The following MAP3K5 variants were observed in gnomAD, a reference collection of about 807,000 sequenced individuals.
MAP3K5 encodes the protein ASK-1.
Under a neutral mutation model 158.7 loss-of-function variants are expected in MAP3K5, and 56 were observed. The observed-to-expected ratio is 0.35, with a 90% CI of 0.28 to 0.44. The LOEUF is 0.44. MAP3K5 is among the 20% of genes least tolerant of loss of function. The pLI, the probability that MAP3K5 is intolerant of heterozygous loss-of-function variation, is 1.00. For synonymous variants in MAP3K5, 579 were observed against 601.7 expected (o/e 0.96, Z 0.55); for missense variants, 1,294 against 1,674.8 (o/e 0.77, Z 3.97).
chr6:136,718,393 G>A (rs995878346), intron 2 of MAP3K5, among the ~76,000 whole-genome samples: 6 of 152,062 alleles, frequency 3.9e-5, no homozygotes, highest in Non-Finnish European at 8.8e-5. Flanking sequence ...GTAGAGACAA[G>A]GTTTCACCAC....
intron 1 of MAP3K5, among the ~76,000 whole-genome samples, chr6:136,745,837 T>C (rs767713598): frequency 6.6e-6 from 1 of 152,218 alleles, no homozygotes; most frequent in Non-Finnish European, 1.5e-5. Context: ...AAATTTAATC[T>C]AGATAATTCC....
intron 7 of MAP3K5, among the ~76,000 whole-genome samples, chr6:136,692,231 T>C (rs1780419352): frequency 6.6e-6 from 1 of 152,170 alleles, no homozygotes; most frequent in Non-Finnish European, 1.5e-5. Context: ...TATGGTGTAT[T>C]AGACATTTTG....
At chr6:136,560,472 G>C (rs927666323) in intron 28 of MAP3K5, among the ~76,000 whole-genome samples, 6 of 152,018 alleles carry the variant, frequency 3.9e-5, no homozygotes, top group Admixed American at 1.3e-4. Context: ...GAGTGAGATT[G>C]TGTCTCAAAA....
intron 19 of MAP3K5, among the ~76,000 whole-genome samples, chr6:136,602,342 C>T (rs1775914511): frequency 6.6e-6 from 1 of 151,964 alleles, no homozygotes; most frequent in African/African-American, 2.4e-5. Context: ...ACTCTGTCAC[C>T]CAGGCTGGAG....
intron 7 of MAP3K5, 24 bp downstream of exon 7, chr6:136,694,116 C>G: frequency 6.4e-7 from 1 of 1,568,106 alleles, no homozygotes; most frequent in Non-Finnish European, 8.7e-7. Context: ...AAGTAAGTAG[C>G]TCATTTATAT....
At chr6:136,757,609 C>T (rs1343342912) in intron 1 of MAP3K5, among the ~76,000 whole-genome samples, 3 of 118,932 alleles carry the variant, frequency 2.5e-5, no homozygotes, top group East Asian at 2.6e-4. Flanking sequence ...TTTTTTGAGA[C>T]GGAGTTTCGC....
chr6:136,653,321 T>C (rs1778602160), intron 10 of MAP3K5, among the ~76,000 whole-genome samples: 1 of 152,226 alleles, frequency 6.6e-6, no homozygotes, highest in Non-Finnish European at 1.5e-5. Flanking sequence ...AGTTAATTCT[T>C]GGAGAAATGA....
At chr6:136,587,934 G>A (rs143591894) in intron 23 of MAP3K5, among the ~76,000 whole-genome samples, 4 of 152,350 alleles carry the variant, frequency 2.6e-5, no homozygotes, top group Non-Finnish European at 5.9e-5. Flanking sequence ...AGTCATAGAA[G>A]TGATGACCAA....
At chr6:136,580,520 T>C in intron 24 of MAP3K5, 114 bp from the exon 25 acceptor site, 1 of 591,338 alleles carries the variant, frequency 1.7e-6, no homozygotes, top group Non-Finnish European at 3.1e-6. Context: ...TTCTTCAACT[T>C]GAATTCTTTG....
At chr6:136,647,003 C>T (rs902916006) in intron 11 of MAP3K5, among the ~76,000 whole-genome samples, 2 of 152,208 alleles carry the variant, frequency 1.3e-5, no homozygotes, top group African/African-American at 4.8e-5. Context: ...ACTTGAGTCA[C>T]CTTACACTTA....
In MAP3K5 at chr6:136,672,679, T is replaced by C. The variant is rs537178497; in HGVS notation, c.1254-3284A>G. Among the ~76,000 whole-genome samples, 8 of 151,980 alleles carry C rather than the reference T, an allele frequency of 5.3e-5. 1 individual carries two copies. In the South Asian group the frequency reaches 1.7e-3, roughly 32 times the overall value. ...TAGGGAAAGAAGTCTACAACAACCA[T>C]AGGAAAAAAGTCTTCCCTTTAAGAA... On this transcript the variant is annotated intron_variant, in intron 7 of 29. Transcript: ENST00000359015.
At chr6:136,676,488 T>C (rs146837080) in intron 7 of MAP3K5, among the ~76,000 whole-genome samples, 119 of 152,328 alleles carry the variant, frequency 7.8e-4, no homozygotes, top group Non-Finnish European at 1.3e-3. Flanking sequence ...TTACTGGAGT[T>C]CACGACTTCA....
rs181463544 is a variant in MAP3K5 at position 136,589,684 on chromosome 6, G to T, written c.3225+2489C>A. On this transcript the variant is annotated intron_variant, in intron 23 of 29. Transcript: ENST00000359015. ...TAATCCAATTGAACTGATGTTTCTG[G>T]TGTCCGTATCAGAAGAGGAAGAGAC... 6.6e-5 allele frequency among the ~76,000 whole-genome samples: 10 copies of T among 152,216 alleles called. 1 individual carries two copies. The East Asian group carries it at 1.9e-3, about 29-fold the overall frequency.
chr6:136,557,940 C>A (rs1562503426), intron 29 of MAP3K5, 122 bp from the exon 30 acceptor site: 1 of 725,524 alleles, frequency 1.4e-6, no homozygotes, highest in South Asian at 1.5e-5. Flanking sequence ...AAAGTCTGAT[C>A]AGTTATTATG....
chr6:136,781,219 GAAA>G (rs1784600660), intron 1 of MAP3K5, among the ~76,000 whole-genome samples: 1 of 152,146 alleles, frequency 6.6e-6, no homozygotes, highest in Non-Finnish European at 1.5e-5. Flanking sequence ...TCATGCCCAG[GAAA>G]CAGCCCAAGA....
At chr6:136,761,327 C>T (rs1783749139) in intron 1 of MAP3K5, among the ~76,000 whole-genome samples, 1 of 147,690 alleles carries the variant, frequency 6.8e-6, no homozygotes, top group South Asian at 2.1e-4. Flanking sequence ...AGCCAGGAGG[C>T]TGGCCACTAA....
chr6:136,563,611 G>A (rs1830611928), intron 26 of MAP3K5, among the ~76,000 whole-genome samples: 1 of 152,122 alleles, frequency 6.6e-6, no homozygotes, highest in African/African-American at 2.4e-5. Context: ...AAAGAAACAA[G>A]GAGAAACTGT....
chr6:136,579,497 T>C (rs575420260), intron 25 of MAP3K5, among the ~76,000 whole-genome samples: 3 of 152,216 alleles, frequency 2.0e-5, no homozygotes, highest in African/African-American at 7.2e-5. Context: ...TTCTTACAGA[T>C]GGAACAAGCA....
intron 25 of MAP3K5, among the ~76,000 whole-genome samples, chr6:136,569,029 A>G (rs1229387931): frequency 6.6e-6 from 1 of 152,082 alleles, no homozygotes; most frequent in South Asian, 2.1e-4. Context: ...ATTCCTGGTT[A>G]TACCTCCTCC....
Sources: gnomAD v4.1 joint callset for allele counts (sites outside exome capture counted in the v4.1 genomes callset) on GRCh38, gnomAD v4.1.1 for gene constraint, MANE v1.5 for transcripts, NCBI Gene and HGNC (gene_info 2026-07-23, HGNC 2026-07-21) for gene names.